The following RALB variants were observed in gnomAD, a reference collection of about 807,000 sequenced individuals.
The protein encoded by RALB is RAS like proto-oncogene B.
Under a neutral mutation model 21.3 loss-of-function variants are expected in RALB, and 16 were observed. The ratio of observed to expected loss-of-function variants is 0.75; its 90% CI spans 0.51 to 1.14. The LOEUF (loss-of-function observed/expected upper bound fraction) is 1.14. Ranked by LOEUF, RALB falls within the 50% of genes most tolerant of loss-of-function variation. The probability of loss-of-function intolerance (pLI) is 0.00; values close to 1 mark genes in which losing one functional copy is unlikely to be tolerated. For synonymous variants in RALB, 93 were observed against 96.1 expected (o/e 0.97, Z 0.19); for missense variants, 161 against 256.2 (o/e 0.63, Z 2.54).
At chr2:120,267,758 C>G (rs142694441) in intron 1 of RALB, among the ~76,000 whole-genome samples, 1 of 151,982 alleles carries the variant, frequency 6.6e-6, no homozygotes, top group South Asian at 2.1e-4. Flanking sequence ...TATGTGAAAT[C>G]GTTCTTTAAA....
chr2:120,273,021 C>A (rs929138098), intron 1 of RALB, among the ~76,000 whole-genome samples: 2 of 152,210 alleles, frequency 1.3e-5, no homozygotes, highest in African/African-American at 4.8e-5. Flanking sequence ...TTTCTTATCT[C>A]TAATACCCTG....
intron 4 of RALB, among the ~76,000 whole-genome samples, chr2:120,292,676 C>T (rs376186043): frequency 2.6e-5 from 4 of 152,008 alleles, no homozygotes; most frequent in East Asian, 1.9e-4. Context: ...GCTGTTAGGC[C>T]GGGTGCAGTG....
At chr2:120,274,189 A>G (rs1230312736) in intron 1 of RALB, among the ~76,000 whole-genome samples, 4 of 152,194 alleles carry the variant, frequency 2.6e-5, no homozygotes, top group Admixed American at 6.5e-5. Flanking sequence ...TCAGCTCTGT[A>G]GGAAACAGTG....
rs201958626 is a variant in RALB at position 120,278,800 on chromosome 2, C to T, written c.114+22C>T. On this transcript the variant is annotated intron_variant, in intron 2 of 4. Transcript: ENST00000272519. ...CGAGGTAAGCCCTGCTAGGCACAGA[C>T]CACCTTCCTTTGGCATTGGCCGTAG... 67 of 1,497,466 alleles carry T rather than the reference C, an allele frequency of 4.5e-5. No homozygotes were observed. In the East Asian group the frequency reaches 1.4e-3, roughly 32 times the overall value. 92.8% of individuals were successfully genotyped at this position (1,497,466 alleles called of 1,614,324 possible).
intron 1 of RALB, among the ~76,000 whole-genome samples, chr2:120,242,930 T>G (rs1688917097): frequency 6.6e-6 from 1 of 151,672 alleles, no homozygotes; most frequent in African/African-American, 2.4e-5. Context: ...AAAAAGTAAA[T>G]AAAAAAATAA....
At chr2:120,260,950 G>C (rs1444403304) in intron 1 of RALB, among the ~76,000 whole-genome samples, 2 of 152,200 alleles carry the variant, frequency 1.3e-5, no homozygotes, top group African/African-American at 4.8e-5. Context: ...GGAAACAAAG[G>C]CTTTTGCTAC....
intron 1 of RALB, among the ~76,000 whole-genome samples, chr2:120,246,425 C>T (rs898484152): frequency 6.6e-6 from 1 of 152,212 alleles, no homozygotes; most frequent in Non-Finnish European, 1.5e-5. Context: ...CCTCTTGACT[C>T]TCTGAGACCG....
Position 120,243,518 on chromosome 2 carries a change from C to T in RALB, c.19+3393C>T, listed in dbSNP as rs568746176. Among the ~76,000 whole-genome samples the T allele has an allele frequency of 3.3e-5, 5 of 152,256 alleles. No individual in the cohort carries two copies. The South Asian group carries it at 8.3e-4, about 25-fold the overall frequency. On this transcript the variant is annotated intron_variant, in intron 1 of 3. Transcript: ENST00000447591. The stretch of plus-strand genomic sequence containing the variant: ...TGCCACACACTGTCTCATTGGAGTC[C>T]CCAGCTGTCCTCACTGGGGGATCTT...
At chr2:120,244,405 C>G (rs1371285764) in intron 1 of RALB, among the ~76,000 whole-genome samples, 1 of 152,230 alleles carries the variant, frequency 6.6e-6, no homozygotes, top group Non-Finnish European at 1.5e-5. Flanking sequence ...AGGGGCTCAT[C>G]ATTACCTGCT....
chr2:120,268,764 C>CT (rs754960219), intron 1 of RALB, among the ~76,000 whole-genome samples: 19 of 152,134 alleles, frequency 1.2e-4, no homozygotes, highest in African/African-American at 4.1e-4. Context: ...GTTTAAAAAA[C>CT]TTTTTTTAAA....
At chr2:120,291,940 T>C (rs1690314708) in intron 4 of RALB, among the ~76,000 whole-genome samples, 1 of 152,084 alleles carries the variant, frequency 6.6e-6, no homozygotes, top group Admixed American at 6.5e-5. Context: ...AAGGAGCTTG[T>C]GGTTTTGTGT....
At position 120,289,757 on chromosome 2, in the gene RALB, G is replaced by A. The variant is rs143281479; in HGVS notation, c.501G>A (p.Lys167=). 2 of 1,600,204 alleles carry A rather than the reference G, an allele frequency of 1.2e-6. No individual in the cohort carries two copies. The highest frequency in any genetic ancestry group is 1.7e-6 in the Non-Finnish European group (2 of 1,171,976). The change falls in exon 4 of 5, where the codon AAG becomes AAA. Residue 167 remains lysine (K), a splice_region_variant and synonymous_variant. Coordinates refer to ENST00000272519, the MANE Select transcript of RALB (RefSeq NM_002881.3). ...TSAKTRANVD[K]VFFDLMREIR... The stretch of plus-strand genomic sequence containing the variant: ...CGAAGACCCGGGCCAACGTGGACAA[G>A]GTAGGCGTGAATTCTGTGTATTTCT...
chr2:120,254,463 T>C (rs1333893668), intron 1 of RALB, among the ~76,000 whole-genome samples: 2 of 152,162 alleles, frequency 1.3e-5, no homozygotes, highest in East Asian at 3.8e-4. Context: ...ATAGAACATT[T>C]TCCCAGGATT....
rs1449215909 is a variant in RALB at position 120,293,562 on chromosome 2, G to A, written c.*302G>A. On this transcript the variant is annotated 3_prime_UTR_variant, in exon 5 of 5. Coordinates refer to ENST00000272519, the MANE Select transcript of RALB (RefSeq NM_002881.3). ...AGGAAACAGCTGTTAATTACAAAGA[G>A]AAAGAATTGTCATAGCATCTTATTT... 1 of 188,654 alleles carries A rather than the reference G, an allele frequency of 5.3e-6. No individual in the cohort carries two copies. 11.7% of individuals were successfully genotyped at this position (188,654 alleles called of 1,614,324 possible). A position where few individuals can be genotyped will look rare whatever the true frequency, so the allele number is the denominator to read the frequency against.
intron 1 of RALB, among the ~76,000 whole-genome samples, chr2:120,245,475 C>T (rs1172319686): frequency 1.3e-5 from 2 of 152,156 alleles, no homozygotes; most frequent in Non-Finnish European, 2.9e-5. Flanking sequence ...TAAACAAGCC[C>T]CTCAGGGCCT....
intron 2 of RALB, among the ~76,000 whole-genome samples, chr2:120,280,284 G>A (rs1689956269): frequency 6.6e-6 from 1 of 152,108 alleles, no homozygotes; most frequent in African/African-American, 2.4e-5. Context: ...ATTTACAATA[G>A]CAAAGACATG....
chr2:120,285,822 A>G (rs2104654732), intron 2 of RALB, 52 bp from the exon 3 acceptor site: 2 of 1,542,850 alleles, frequency 1.3e-6, no homozygotes, highest in South Asian at 1.1e-5. Flanking sequence ...TTTTTGGCAG[A>G]TTTTGTTCCC....
At chr2:120,263,773 G>A (rs183743044) in intron 1 of RALB, among the ~76,000 whole-genome samples, 230 of 151,660 alleles carry the variant, frequency 1.5e-3, no homozygotes, top group African/African-American at 3.8e-3. Context: ...CAAGCATTCC[G>A]CCCGCCTCAG....
chr2:120,276,029 C>T (rs1175263215), intron 1 of RALB, among the ~76,000 whole-genome samples: 1 of 152,198 alleles, frequency 6.6e-6, no homozygotes, highest in Non-Finnish European at 1.5e-5. Flanking sequence ...TAAGGCATGA[C>T]TCTCTGGCAG....
Sources: gnomAD v4.1 joint callset for allele counts (sites outside exome capture counted in the v4.1 genomes callset) on GRCh38, gnomAD v4.1.1 for gene constraint, MANE v1.5 for transcripts, NCBI Gene and HGNC (gene_info 2026-07-23, HGNC 2026-07-21) for gene names.